PCDHGA5: variants seen among roughly 807,000 people sequenced by gnomAD.
PCDHGA5 encodes protocadherin gamma-A5.
PCDHGA5 carries 36 observed loss-of-function variants against 56.7 expected under a neutral mutation model. That is an observed-to-expected ratio of 0.64 (90% CI 0.49 to 0.84). PCDHGA5 has a LOEUF of 0.84. PCDHGA5 is among the 40% of genes least tolerant of loss of function. The pLI is 0.00. For missense variants in PCDHGA5, 1,305 were observed against 1,201.5 expected (o/e 1.09, Z -1.27); for synonymous variants, 563 against 520.2 (o/e 1.08, Z -1.12).
chr5:141,418,036 G>T, intron 1 of PCDHGA5: 1 of 1,614,020 alleles, frequency 6.2e-7, no homozygotes, highest in Non-Finnish European at 8.5e-7. Context: ...TTAGTGTCCT[G>T]GATGTGTCGG....
In PCDHGA5 at chr5:141,365,137, A is replaced by G. The variant is rs896268643; in HGVS notation, c.807A>G (p.Pro269=). The G allele has an allele frequency of 9.3e-6, 15 of 1,613,972 alleles. No individual in the cohort carries two copies. The highest frequency in any genetic ancestry group is 1.3e-5 in the Non-Finnish European group (15 of 1,179,898). The change falls in exon 1 of 4, where the codon CCA becomes CCG. Residue 269 remains proline, a synonymous_variant. Transcript: ENST00000518069. ...TRLLMLTATD[P]DEGINGKLTY... ...TGCTCATGCTAACCGCCACGGATCC[A>G]GATGAGGGAATAAACGGGAAATTGA...
At position 141,487,790 on chromosome 5, in the gene PCDHGA5, C is replaced by T. The variant is rs1360781901; in HGVS notation, c.2422-7017C>T. 6.6e-7 allele frequency: 1 copy of T among 1,511,992 alleles called. No individual in the cohort carries two copies. Among genetic ancestry groups the T allele is most frequent in the Non-Finnish European group, 8.9e-7 (1 of 1,120,458 alleles). The allele number at this position is 1,511,992 out of a possible 1,614,324, so 93.7% of individuals were successfully genotyped here. ...GCTTTGTAACTGTTTCGTGAATTAA[C>T]CAGAGTTGTCACAGTTTAGCATTGG... On this transcript the variant is annotated intron_variant, in intron 1 of 3. Coordinates refer to ENST00000518069, the MANE Select transcript of PCDHGA5 (RefSeq NM_018918.3). This position sits in a 1 kb window ranked among gnomAD's most constrained non-coding sequence, Gnocchi z 5.0.
intron 1 of PCDHGA5, among the ~76,000 whole-genome samples, chr5:141,483,644 G>A (rs2099584188): frequency 6.8e-6 from 1 of 146,522 alleles, no homozygotes; most frequent in African/African-American, 2.7e-5. Context: ...AGAGGGGTGT[G>A]TGTTTGTGTG....
chr5:141,433,142 G>A, intron 1 of PCDHGA5: 2 of 1,614,108 alleles, frequency 1.2e-6, no homozygotes, highest in African/African-American at 1.3e-5. Flanking sequence ...TTTGCTGTCA[G>A]GTGATTCGGT....
At position 141,490,475 on chromosome 5, in the gene PCDHGA5, T is replaced by C. The variant is rs769951029; in HGVS notation, c.2422-4332T>C. On this transcript the variant is annotated intron_variant, in intron 1 of 3. Coordinates refer to ENST00000518069, the MANE Select transcript of PCDHGA5 (RefSeq NM_018918.3). This position sits in a 1 kb window ranked among gnomAD's most constrained non-coding sequence, Gnocchi z 5.4. ...TACTCGCTGCTAACCAGCCAGCCTTTGGACCGGGAGGCCACATCCCACTAT... is the reference window on the plus strand; with the variant it reads ...TACTCGCTGCTAACCAGCCAGCCTTCGGACCGGGAGGCCACATCCCACTAT... The C allele has an allele frequency of 3.7e-6, 6 of 1,614,240 alleles. No individual in the cohort carries two copies. The highest frequency in any genetic ancestry group is 5.1e-6 in the Non-Finnish European group (6 of 1,180,038).
At chr5:141,415,686 G>A in intron 1 of PCDHGA5, 2 of 1,535,424 alleles carry the variant, frequency 1.3e-6, no homozygotes, top group Non-Finnish European at 1.8e-6. Context: ...GCGGCATGAT[G>A]GTGGAAAGTG....
chr5:141,421,424 G>T lies in PCDHGA5; in HGVS notation c.2421+54673G>T, dbSNP rs369037131. 2.2e-5 allele frequency: 35 copies of T among 1,613,974 alleles called. No individual in the cohort carries two copies. The African/African-American group carries it at 3.9e-4, about 18-fold the overall frequency. ...CGGGAGCTGGCGAAGCGCGGAGTCC[G>T]CATCGTCTCCAGAGGGAAGACACAG... is the stretch of plus-strand genomic sequence containing the variant. On this transcript the variant is annotated intron_variant, in intron 1 of 3. Transcript: ENST00000518069.
chr5:141,423,895 G>T, intron 1 of PCDHGA5: 1 of 1,277,758 alleles, frequency 7.8e-7, no homozygotes, highest in Non-Finnish European at 9.9e-7. Flanking sequence ...ATTTTCTTTT[G>T]ATTTCAAAGG....
intron 1 of PCDHGA5, among the ~76,000 whole-genome samples, chr5:141,368,152 ACC>A (rs1765509493): frequency 2.0e-5 from 3 of 152,192 alleles, no homozygotes; most frequent in Admixed American, 6.5e-5. Flanking sequence ...TACTTTTAAA[ACC>A]TTGAGCATCA....
chr5:141,454,232 G>T (rs2098784520), intron 1 of PCDHGA5, among the ~76,000 whole-genome samples: 1 of 152,146 alleles, frequency 6.6e-6, no homozygotes, highest in African/African-American at 2.4e-5. Context: ...TAATTGTGAT[G>T]AAAAGGATGA....
At chr5:141,408,615 T>A in intron 1 of PCDHGA5, 1 of 1,613,940 alleles carries the variant, frequency 6.2e-7, no homozygotes, top group Non-Finnish European at 8.5e-7. Flanking sequence ...AAAAAGGAAA[T>A]ACATTTAGAA....
In PCDHGA5 at chr5:141,489,664, A is replaced by C. The variant is rs745597010; in HGVS notation, c.2422-5143A>C. 1.9e-6 allele frequency: 3 copies of C among 1,614,224 alleles called. No individual in the cohort carries two copies. Among genetic ancestry groups the C allele is most frequent in the African/African-American group, 1.3e-5 (1 of 75,058 alleles). On this transcript the variant is annotated intron_variant, in intron 1 of 3. Transcript: ENST00000518069. This position sits in a 1 kb window ranked among gnomAD's most constrained non-coding sequence, Gnocchi z 4.5. ...TGCCACCCCTGAGCGAGAGATGCGC[A>C]TCTCAGAATCAGCAGCATCTGGGGC... is the stretch of plus-strand genomic sequence containing the variant.
At position 141,366,543 on chromosome 5, in the gene PCDHGA5, C is replaced by A; in HGVS notation, c.2213C>A (p.Ser738Ter). Residue 738 changes from serine to a stop codon, truncating the protein, a stop_gained, in exon 1 of 4, where the codon TCG becomes TAG. Transcript: ENST00000518069. LOFTEE classifies it high-confidence loss of function. ...AGCAGGTTGGCGGGTGTGCCCGCCT[C>A]GCACTTTGTGGGCGTGGATGGGGTT... ...EGSRLAGVPA[S>*]HFVGVDGVRA... 1 of 1,614,244 alleles carries A rather than the reference C, an allele frequency of 6.2e-7. No homozygotes were observed. The highest frequency in any genetic ancestry group is 8.5e-7 in the Non-Finnish European group (1 of 1,180,046).
intron 1 of PCDHGA5, chr5:141,399,433 C>T (rs1485508239): frequency 1.9e-6 from 3 of 1,613,892 alleles, no homozygotes; most frequent in Non-Finnish European, 2.5e-6. Flanking sequence ...AAGCGTCATC[C>T]TACATATCAG....
intron 3 of PCDHGA5, among the ~76,000 whole-genome samples, chr5:141,507,809 C>T (rs866898784): frequency 2.0e-5 from 3 of 152,206 alleles, no homozygotes; most frequent in Non-Finnish European, 2.9e-5. Flanking sequence ...CCCTGGGGAA[C>T]GGACCCTGGG....
rs1020562585 is a variant in PCDHGA5, at chr5:141,366,288, C to A, written c.1958C>A (p.Pro653His). Residue 653 changes from proline (P) to histidine (H), a missense_variant, in exon 1 of 4, where the codon CCT becomes CAT. Physicochemically the swap from Pro to His is moderately conservative, Grantham distance 77. Coordinates refer to ENST00000518069, the MANE Select transcript of PCDHGA5 (RefSeq NM_018918.3). ...VVAVEDHGQP[P>H]LSATFTVTVA... ...GCCGTCGAAGACCATGGCCAGCCCC[C>A]TCTGTCAGCCACCTTCACGGTCACC... 1.2e-6 allele frequency: 2 copies of A among 1,613,748 alleles called. No homozygotes were observed. The highest frequency in any genetic ancestry group is 1.7e-6 in the Non-Finnish European group (2 of 1,180,006).
In PCDHGA5 at chr5:141,490,679, A is replaced by C; in HGVS notation, c.2422-4128A>C. On this transcript the variant is annotated intron_variant, in intron 1 of 3. Coordinates refer to ENST00000518069, the MANE Select transcript of PCDHGA5 (RefSeq NM_018918.3). The surrounding 1 kb of genome is among the most constrained non-coding windows in gnomAD (Gnocchi z 5.4). ...CTTCTTTGCACTGTGGCTGCCTCAG[A>C]TCCAGACACTGGGGATAATGCCCGC... 6.2e-7 allele frequency: 1 copy of C among 1,614,164 alleles called. No individual in the cohort carries two copies. The highest frequency in any genetic ancestry group is 8.5e-7 in the Non-Finnish European group (1 of 1,180,034).
Position 141,375,262 on chromosome 5 carries a change from A to C in PCDHGA5, c.2421+8511A>C, listed in dbSNP as rs781354981. The C allele has an allele frequency of 3.1e-6, 5 of 1,613,914 alleles. No individual in the cohort carries two copies. In the South Asian group the frequency reaches 5.5e-5, roughly 18 times the overall value. On this transcript the variant is annotated intron_variant, in intron 1 of 3. Coordinates refer to ENST00000518069, the MANE Select transcript of PCDHGA5 (RefSeq NM_018918.3). Reference sequence around the variant, plus strand: ...CCATCCCGAGAAGTCTCCCATTTGAATTGGAAAAATCAGTTGGCAATTATT... The same window carrying C: ...CCATCCCGAGAAGTCTCCCATTTGACTTGGAAAAATCAGTTGGCAATTATT...
Position 141,365,610 on chromosome 5 carries a change from A to G in PCDHGA5, c.1280A>G (p.His427Arg), listed in dbSNP as rs1764018673. 6.8e-6 allele frequency: 11 copies of G among 1,613,570 alleles called. No homozygotes were observed. Among genetic ancestry groups the G allele is most frequent in the African/African-American group, 1.3e-5 (1 of 74,926 alleles). Reference protein sequence around the residue: ...DYNITLTVMDHGTPPLSTESH... With the variant: ...DYNITLTVMDRGTPPLSTESH... ...AATATCACTTTAACCGTCATGGACC[A>G]TGGAACCCCGCCCCTCTCTACAGAA... The change falls in exon 1 of 4, where the codon CAT (histidine) becomes CGT (arginine). Residue 427 changes from histidine (H) to arginine (R), a missense_variant. Transcript: ENST00000518069.
Sources: allele counts gnomAD v4.1 joint callset (sites outside exome capture counted in the v4.1 genomes callset), GRCh38; gene constraint gnomAD v4.1.1; non-coding constraint Gnocchi (gnomAD v3.1); transcripts MANE v1.5; gene names NCBI Gene and HGNC (gene_info 2026-07-23, HGNC 2026-07-21).